Variants in CNMD observed in about 807,000 individuals in gnomAD.
CNMD encodes chondromodulin, also known as leukocyte cell-derived chemotaxin 1.
CNMD carries 30 observed loss-of-function variants against 37.5 expected under a neutral mutation model. That is an observed-to-expected ratio of 0.80 (90% confidence interval 0.60 to 1.09). The LOEUF (loss-of-function observed/expected upper bound fraction) is 1.09, where lower values mean the gene tolerates loss of function less well. Ranked by LOEUF, CNMD falls within the 50% of genes least tolerant of loss-of-function variation. The pLI, the probability that CNMD is intolerant of heterozygous loss-of-function variation, is 0.00. For missense variants in CNMD, 398 were observed against 423.9 expected, an observed-to-expected ratio of 0.94 and a Z score of 0.54; for synonymous variants, 167 against 148.2, an observed-to-expected ratio of 1.13 and a Z score of -0.92.
Position 52,733,352 on chromosome 13 carries a change from T to C in CNMD, c.221A>G (p.Asn74Ser). 6.2e-7 allele frequency: 1 copy of C among 1,613,988 alleles called. No homozygotes were observed. The highest frequency in any genetic ancestry group is 8.5e-7 in the Non-Finnish European group (1 of 1,179,854). Reference sequence around the variant, plus strand: ...ATTGATACTCATGGTGTAATGGACATTGTAAATCTGAAAGTGAGCATAAGA... The same window carrying C: ...ATTGATACTCATGGTGTAATGGACACTGTAAATCTGAAAGTGAGCATAAGA... The part of the protein sequence containing the change: ...FWKGSDSHIY[N>S]VHYTMSINGK... The change falls in exon 3 of 7, where the codon AAT (asparagine) becomes AGT (serine). Residue 74 changes from asparagine (N) to serine (S), a missense_variant. Physicochemically the swap from Asn to Ser is conservative, Grantham distance 46. Coordinates refer to ENST00000377962, the MANE Select transcript of CNMD (RefSeq NM_007015.3).
chr13:52,720,449 G>A (rs551418044), intron 4 of CNMD, among the ~76,000 whole-genome samples: 1 of 151,948 alleles, frequency 6.6e-6, no homozygotes, highest in Admixed American at 6.6e-5. Flanking sequence ...TTTTGCACTG[G>A]TTTTTCCTTG....
intron 4 of CNMD, among the ~76,000 whole-genome samples, chr13:52,714,441 C>T (rs1964337101): frequency 6.6e-6 from 1 of 152,168 alleles, no homozygotes; most frequent in African/African-American, 2.4e-5. Context: ...ATCCATCATG[C>T]ATGACATAAA....
At position 52,714,990 on chromosome 13, in the gene CNMD, T is replaced by C. The variant is rs570769158; in HGVS notation, c.469-2121A>G. Among the ~76,000 whole-genome samples the C allele has an allele frequency of 5.9e-5, 9 of 152,336 alleles. No individual in the cohort carries two copies. The South Asian group carries it at 1.9e-3, about 32-fold the overall frequency. The stretch of plus-strand genomic sequence containing the variant: ...TTACTAATATTTTAGTCAAGATTCT[T>C]ACACCTATTTTCTTTTTTTATTTTT... On this transcript the variant is annotated intron_variant, in intron 4 of 6. Coordinates refer to ENST00000377962, the MANE Select transcript of CNMD (RefSeq NM_007015.3).
chr13:52,708,770 G>A lies in CNMD; in HGVS notation c.623-68C>T, dbSNP rs1964242327. The A allele has an allele frequency of 5.4e-6, 7 of 1,297,980 alleles. No homozygotes were observed. The South Asian group carries it at 1.0e-4, about 19-fold the overall frequency. The allele number at this position is 1,297,980 out of a possible 1,614,324, so 80.4% of individuals were successfully genotyped here. On this transcript the variant is annotated intron_variant, in intron 5 of 6. Transcript: ENST00000377962. ...AAGGAAATTAGATCTGTGTTTATCAGGGTGAAAAACATAAGAAAAGGATAT... is the reference window on the plus strand; with the variant it reads ...AAGGAAATTAGATCTGTGTTTATCAAGGTGAAAAACATAAGAAAAGGATAT...
At chr13:52,730,340 T>G (rs902232344) in intron 3 of CNMD, among the ~76,000 whole-genome samples, 1 of 152,142 alleles carries the variant, frequency 6.6e-6, no homozygotes, top group African/African-American at 2.4e-5. Flanking sequence ...ATATACCCAG[T>G]AATGGGATGG....
intron 6 of CNMD, among the ~76,000 whole-genome samples, chr13:52,705,023 A>C (rs980256943): frequency 6.6e-6 from 1 of 151,250 alleles, no homozygotes; most frequent in African/African-American, 2.4e-5. Flanking sequence ...GTGCCATTGC[A>C]CTCCCGCCTG....
At chr13:52,716,079 G>C (rs149078848) in intron 4 of CNMD, among the ~76,000 whole-genome samples, 4,048 of 152,240 alleles carry the variant, frequency 0.027, 177 homozygotes, top group African/African-American at 0.092. Flanking sequence ...TTGTGGTTTT[G>C]ATTTGCATTT....
chr13:52,704,995 T>C (rs891787124), intron 6 of CNMD, among the ~76,000 whole-genome samples: 6 of 151,942 alleles, frequency 3.9e-5, no homozygotes, highest in African/African-American at 1.5e-4. Flanking sequence ...GAGGTGGAGG[T>C]TGCAGTGAGC....
At chr13:52,728,177 A>G (rs1252454559) in intron 3 of CNMD, among the ~76,000 whole-genome samples, 1 of 152,148 alleles carries the variant, frequency 6.6e-6, no homozygotes. Context: ...CACGAGGTCA[A>G]GAGATGGAGA....
intron 6 of CNMD, among the ~76,000 whole-genome samples, chr13:52,706,158 A>T (rs1964170979): frequency 6.6e-6 from 1 of 152,220 alleles, no homozygotes; most frequent in African/African-American, 2.4e-5. Context: ...AATTAAAGAC[A>T]AGCAAGATAA....
At chr13:52,731,599 A>G (rs1437253542) in intron 3 of CNMD, among the ~76,000 whole-genome samples, 1 of 152,234 alleles carries the variant, frequency 6.6e-6, no homozygotes, top group Non-Finnish European at 1.5e-5. Context: ...ACAAAACACA[A>G]TCGATACCAT....
At chr13:52,737,017 C>G (rs1964779518) in intron 2 of CNMD, among the ~76,000 whole-genome samples, 1 of 152,156 alleles carries the variant, frequency 6.6e-6, no homozygotes, top group Non-Finnish European at 1.5e-5. Flanking sequence ...TAAACCTGTC[C>G]TAAGGGGATT....
At position 52,739,271 on chromosome 13, in the gene CNMD, G is replaced by A; in HGVS notation, c.73-100C>T. On this transcript the variant is annotated intron_variant, in intron 1 of 6. Coordinates refer to ENST00000377962, the MANE Select transcript of CNMD (RefSeq NM_007015.3). The surrounding 1 kb of genome is among the most constrained non-coding windows in gnomAD (Gnocchi z 5.4). ...CACGCGGTAGCCCCCAGGGAGTGGGGAGTCGGGCGGGAAACAGCTCGCCCG... is the reference window on the plus strand; with the variant it reads ...CACGCGGTAGCCCCCAGGGAGTGGGAAGTCGGGCGGGAAACAGCTCGCCCG... The A allele has an allele frequency of 7.5e-7, 1 of 1,341,640 alleles. No homozygotes were observed. Among genetic ancestry groups the A allele is most frequent in the Non-Finnish European group, 9.7e-7 (1 of 1,026,734 alleles). The allele number at this position is 1,341,640 out of a possible 1,614,324, so 83.1% of individuals were successfully genotyped here. A position where few individuals can be genotyped will look rare whatever the true frequency, so the allele number is the denominator to read the frequency against.
rs1484555943 is a variant in CNMD, at chr13:52,732,320, G to T, written c.354+899C>A. Reference sequence around the variant, plus strand: ...CAAATAGTGATGCCTCTTCCTTATAGTAAAACATGAAAGAGCATAAAATAT... The same window carrying T: ...CAAATAGTGATGCCTCTTCCTTATATTAAAACATGAAAGAGCATAAAATAT... On this transcript the variant is annotated intron_variant, in intron 3 of 6. Transcript: ENST00000377962. Among the ~76,000 whole-genome samples the T allele has an allele frequency of 2.6e-5, 4 of 152,140 alleles. No individual in the cohort carries two copies. The South Asian group carries it at 8.3e-4, about 31-fold the overall frequency.
At chr13:52,734,342 C>T (rs1964722410) in intron 2 of CNMD, among the ~76,000 whole-genome samples, 1 of 152,204 alleles carries the variant, frequency 6.6e-6, no homozygotes, top group African/African-American at 2.4e-5. Flanking sequence ...ACCAGAGTGG[C>T]TCTGCTTTTT....
intron 2 of CNMD, among the ~76,000 whole-genome samples, chr13:52,736,454 C>T (rs2138282561): frequency 6.6e-6 from 1 of 152,154 alleles, no homozygotes; most frequent in East Asian, 1.9e-4. Context: ...ATGTGCACTG[C>T]ACCATCTGCA....
At chr13:52,733,118 T>C (rs533178809) in intron 3 of CNMD, 101 bp downstream of exon 3, 11 of 1,162,610 alleles carry the variant, frequency 9.5e-6, no homozygotes, top group Admixed American at 1.7e-5. Flanking sequence ...TAAAGAACAG[T>C]TACCATTTGG....
chr13:52,712,596 G>T, intron 5 of CNMD, 120 bp downstream of exon 5: 1 of 557,288 alleles, frequency 1.8e-6, no homozygotes, highest in Non-Finnish European at 2.9e-6. Flanking sequence ...GAGACACTGC[G>T]ACATGCATCC....
intron 5 of CNMD, among the ~76,000 whole-genome samples, chr13:52,710,358 A>G (rs941519679): frequency 2.6e-5 from 4 of 152,238 alleles, no homozygotes; most frequent in African/African-American, 9.6e-5. Context: ...GGGAACGAGT[A>G]GTTACCCCAA....
Sources: gnomAD v4.1 joint callset for allele counts (sites outside exome capture counted in the v4.1 genomes callset) on GRCh38, gnomAD v4.1.1 for gene constraint, Gnocchi (gnomAD v3.1) non-coding constraint, MANE v1.5 for transcripts, NCBI Gene and HGNC (gene_info 2026-07-23, HGNC 2026-07-21) for gene names.